USP32: variants seen among roughly 807,000 people sequenced by gnomAD.
The protein encoded by USP32 is ubiquitin carboxyl-terminal hydrolase 32.
In USP32, 59 loss-of-function variants were observed where a neutral mutation model predicts 204.8. The ratio of observed to expected loss-of-function variants is 0.29; its 90% CI spans 0.23 to 0.36. The LOEUF (loss-of-function observed/expected upper bound fraction) is 0.36. Among genes scored for constraint, USP32 ranks in the 10% least tolerant of loss-of-function variants. The pLI is 1.00. For synonymous variants in USP32, 517 were observed against 678.4 expected, an observed-to-expected ratio of 0.76 and a Z score of 3.70; for missense variants, 1,160 against 1,946.4, an observed-to-expected ratio of 0.60 and a Z score of 7.60.
rs751449820 is a variant in USP32, at chr17:60,181,647, G to C, written c.4225C>G (p.Leu1409Val). The C allele has an allele frequency of 5.6e-6, 9 of 1,613,630 alleles. No individual in the cohort carries two copies. In the South Asian group the frequency reaches 9.9e-5, roughly 18 times the overall value. ...TTGCTGCCAATCTGGGGCAGCCGGA[G>C]CCTCCCTTTGCTCCTCCCCAAAGTC... ...PRTLGRSKGR[L>V]RLPQIGSKNK... Residue 1409 changes from leucine to valine, a missense_variant, in exon 32 of 34, where the codon CTC (leucine) becomes GTC (valine). Around this residue, in one of 8 missense-constraint regions of USP32, gnomAD observed 244 missense variants for 342.3 expected, o/e 0.71. Transcript: ENST00000300896.
At chr17:60,400,373 G>A (rs2089926815) in intron 1 of USP32, among the ~76,000 whole-genome samples, 1 of 152,226 alleles carries the variant, frequency 6.6e-6, no homozygotes, top group Admixed American at 6.5e-5. Context: ...GGGGGCGACT[G>A]CATTAATCCA....
chr17:60,371,950 C>T (rs552928294), intron 1 of USP32, among the ~76,000 whole-genome samples: 4 of 152,298 alleles, frequency 2.6e-5, no homozygotes, highest in African/African-American at 9.6e-5. Flanking sequence ...TCAAAACTTA[C>T]TACCTAATTT....
chr17:60,226,936 C>T (rs1342117605), intron 12 of USP32, among the ~76,000 whole-genome samples: 1 of 148,878 alleles, frequency 6.7e-6, no homozygotes, highest in African/African-American at 2.5e-5. Context: ...CCCAGCTACT[C>T]GGGAGGCTGA....
At chr17:60,349,596 A>AAAAT (rs1555618242) in intron 1 of USP32, among the ~76,000 whole-genome samples, 4 of 65,200 alleles carry the variant, frequency 6.1e-5, no homozygotes, top group Non-Finnish European at 7.6e-5. Context: ...AAAAAAAAAA[A>AAAAT]ATATATATAT....
chr17:60,324,872 G>T (rs1024149789), intron 2 of USP32, among the ~76,000 whole-genome samples: 1 of 151,942 alleles, frequency 6.6e-6, no homozygotes, highest in African/African-American at 2.4e-5. Context: ...GTGTGGTGGC[G>T]CATGCCTGTA....
intron 2 of USP32, among the ~76,000 whole-genome samples, chr17:60,307,405 T>C (rs1401661185): frequency 6.6e-6 from 1 of 152,136 alleles, no homozygotes; most frequent in Admixed American, 6.6e-5. Flanking sequence ...CCAGCCAGAA[T>C]TCATTTTGTT....
In USP32 at chr17:60,264,881, AAG is replaced by A. The variant is rs1555604167; in HGVS notation, c.990+529_990+530del. On this transcript the variant is annotated intron_variant, in intron 9 of 33. Transcript: ENST00000300896. ...TCAAAAAAAAAAAAAAAAAAAAAAA[AAG>A]AGAGAGAGAATATATGTACTGCCAG... Among the ~76,000 whole-genome samples the A allele has an allele frequency of 3.0e-4, 43 of 141,748 alleles. No homozygotes were observed. The East Asian group carries it at 4.7e-3, about 15-fold the overall frequency. The allele number at this position is 141,748 out of a possible 152,430, so 93.0% of individuals were successfully genotyped here.
chr17:60,372,287 A>G (rs1236450068), intron 1 of USP32, among the ~76,000 whole-genome samples: 2 of 152,238 alleles, frequency 1.3e-5, no homozygotes, highest in East Asian at 3.8e-4. Context: ...ACTTTAAACT[A>G]CAGTTATGCA....
At chr17:60,405,065 T>A (rs1222437820) in intron 1 of USP32, among the ~76,000 whole-genome samples, 1 of 152,100 alleles carries the variant, frequency 6.6e-6, no homozygotes, top group Non-Finnish European at 1.5e-5. Flanking sequence ...CTCGGGAGGC[T>A]GAAGCACAAG....
intron 1 of USP32, among the ~76,000 whole-genome samples, chr17:60,349,592 AAAAAATAT>A (rs1341455679): frequency 1.4e-4 from 7 of 49,348 alleles, no homozygotes; most frequent in African/African-American, 5.9e-4. Context: ...AAAAAAAAAA[AAAAAATAT>A]ATATATATAT....
chr17:60,190,654 C>G lies in USP32; in HGVS notation c.3551G>C (p.Gly1184Ala), dbSNP rs1004186538. ...RFCRGCKIDCGEDRAFIGNAY... is the reference protein window; with the variant it reads ...RFCRGCKIDCAEDRAFIGNAY... ...ATTTCCAATGAAAGCTCTGTCTTCC[C>G]CACAATCAATTTTACAGCCTCTGCA... Residue 1184 changes from glycine (G) to alanine (A), a missense_variant, in exon 29 of 34, where the codon GGG becomes GCG. By Grantham distance (60) the Gly-to-Ala change is moderately conservative (BLOSUM62 0). This residue lies in a region of USP32 where 160 missense variants were observed against 322.5 expected (regional missense o/e 0.50). Transcript: ENST00000300896. The G allele has an allele frequency of 6.2e-7, 1 of 1,603,256 alleles. No homozygotes were observed. Among genetic ancestry groups the G allele is most frequent in the Non-Finnish European group, 8.5e-7 (1 of 1,176,970 alleles).
At position 60,377,818 on chromosome 17, in the gene USP32, C is replaced by A. The variant is rs372581720; in HGVS notation, c.58+14064G>T. Reference sequence around the variant, plus strand: ...GTTTTAGAGTAGGGTTCTTTCTATTCTGGTTTTCTGCAGCTGTGGGGTCAC... The same window carrying A: ...GTTTTAGAGTAGGGTTCTTTCTATTATGGTTTTCTGCAGCTGTGGGGTCAC... On this transcript the variant is annotated intron_variant, in intron 1 of 33. Coordinates refer to ENST00000300896, the MANE Select transcript of USP32 (RefSeq NM_032582.4). Among the ~76,000 whole-genome samples the A allele has an allele frequency of 3.0e-4, 46 of 152,238 alleles. No homozygotes were observed. The South Asian group carries it at 9.5e-3, about 32-fold the overall frequency.
chr17:60,259,491 C>T (rs1290994333), intron 9 of USP32, among the ~76,000 whole-genome samples: 1 of 152,112 alleles, frequency 6.6e-6, no homozygotes, highest in African/African-American at 2.4e-5. Flanking sequence ...AGGGTTGGTT[C>T]CTGTCTTGTA....
At chr17:60,421,856 G>T in intron 1 of USP32, 1 of 985,442 alleles carries the variant, frequency 1.0e-6, no homozygotes, top group Non-Finnish European at 1.2e-6. Context: ...CTGCGCACAC[G>T]AGGCCGGCGA....
intron 1 of USP32, among the ~76,000 whole-genome samples, chr17:60,366,197 C>T (rs1282655207): frequency 6.7e-6 from 1 of 148,184 alleles, no homozygotes; most frequent in African/African-American, 2.5e-5. Context: ...CTTGCTCTGT[C>T]GCCTAGGCTG....
chr17:60,191,554 G>C (rs1288679483), intron 28 of USP32, among the ~76,000 whole-genome samples: 1 of 151,464 alleles, frequency 6.6e-6, no homozygotes, highest in African/African-American at 2.4e-5. Context: ...CTGTCGCCCA[G>C]GCTGGAGTGC....
At chr17:60,246,763 G>A (rs1231325052) in intron 11 of USP32, among the ~76,000 whole-genome samples, 1 of 151,924 alleles carries the variant, frequency 6.6e-6, no homozygotes, top group East Asian at 1.9e-4. Context: ...TTTCATTGTG[G>A]TTTTGATATT....
At chr17:60,392,857 A>G (rs1567894298), upstream of USP32, among the ~76,000 whole-genome samples, 1 of 152,104 alleles carries the variant, frequency 6.6e-6, no homozygotes, top group Non-Finnish European at 1.5e-5. Flanking sequence ...CCTCTTGTAC[A>G]CATTCTCTGG....
intron 2 of USP32, among the ~76,000 whole-genome samples, chr17:60,324,440 T>C (rs1234462219): frequency 6.6e-6 from 1 of 152,080 alleles, no homozygotes; most frequent in African/African-American, 2.4e-5. Context: ...AACCAATTCT[T>C]AAACCTCATT....
Sources: gnomAD v4.1 joint callset for allele counts (sites outside exome capture counted in the v4.1 genomes callset) on GRCh38, gnomAD v4.1.1 for gene constraint, gnomAD v4.1.1 regional missense constraint, MANE v1.5 for transcripts, NCBI Gene and HGNC (gene_info 2026-07-23, HGNC 2026-07-21) for gene names.